Variants in PXDN observed in about 807,000 individuals in gnomAD.
PXDN encodes peroxidasin.
Under a neutral mutation model 140.3 loss-of-function variants are expected in PXDN, and 77 were observed. The ratio of observed to expected loss-of-function variants is 0.55; its 90% CI spans 0.46 to 0.66. The LOEUF is 0.66. Ranked by LOEUF, PXDN falls within the 30% of genes least tolerant of loss-of-function variation. The pLI, the probability that PXDN is intolerant of heterozygous loss-of-function variation, is 0.00. For missense variants in PXDN, 1,838 were observed against 2,039.5 expected (o/e 0.90, Z 1.90); for synonymous variants, 911 against 857.4 (o/e 1.06, Z -1.09).
chr2:1,653,686 T>C lies in PXDN; in HGVS notation c.2046A>G (p.Thr682=). Reference sequence around the variant, plus strand: ...GTACATGCTCCTGAATGAGCTGCAATGTCCGTTCAAAGATTTCTCCCGCCC... The same window carrying C: ...GTACATGCTCCTGAATGAGCTGCAACGTCCGTTCAAAGATTTCTCCCGCCC... ...QARAGEIFER[T]LQLIQEHVQH... is the part of the protein sequence containing the mutation. Residue 682 remains threonine (T), a synonymous_variant, in exon 16 of 23, where the codon ACA becomes ACG. Transcript: ENST00000252804. The C allele has an allele frequency of 2.5e-6, 4 of 1,611,644 alleles. No individual in the cohort carries two copies. Among genetic ancestry groups the C allele is most frequent in the East Asian group, 2.2e-5 (1 of 44,846 alleles).
chr2:1,710,809 C>T (rs111162153), intron 1 of PXDN, among the ~76,000 whole-genome samples: 283 of 67,504 alleles, frequency 4.2e-3, no homozygotes, highest in East Asian at 0.014. Flanking sequence ...CCAGCACCCA[C>T]TCCACCAGCA....
At chr2:1,713,666 G>A (rs549552462) in intron 1 of PXDN, among the ~76,000 whole-genome samples, 10 of 152,302 alleles carry the variant, frequency 6.6e-5, no homozygotes, top group South Asian at 2.1e-4. Context: ...CGGTCCCCCC[G>A]AATGCTCGTG....
chr2:1,664,970 A>G lies in PXDN; in HGVS notation c.1396T>C (p.Trp466Arg). 1 of 1,591,950 alleles carries G rather than the reference A, an allele frequency of 6.3e-7. No homozygotes were observed. The highest frequency in any genetic ancestry group is 1.1e-5 in the South Asian group (1 of 90,056). ...AKGNPPPVIA[W>R]TKGGSQLSVD... Reference sequence around the variant, plus strand: ...GCCTGGGTCTTACCTCCCTTGGTCCAGGCGATGACGGGCGGCGGGTTGCCC... The same window carrying G: ...GCCTGGGTCTTACCTCCCTTGGTCCGGGCGATGACGGGCGGCGGGTTGCCC... The change falls in exon 11 of 23, where the codon TGG (tryptophan) becomes CGG (arginine). Residue 466 changes from tryptophan to arginine, a missense_variant. By Grantham distance (101) the Trp-to-Arg change is moderately radical. Around this residue, in one of 5 missense-constraint regions of PXDN, gnomAD observed 537 missense variants for 583.9 expected, o/e 0.92. Coordinates refer to ENST00000252804, the MANE Select transcript of PXDN (RefSeq NM_012293.3).
Position 1,678,805 on chromosome 2 carries a change from G to A in PXDN, c.730+1388C>T, listed in dbSNP as rs116579753. On this transcript the variant is annotated intron_variant, in intron 7 of 22. Coordinates refer to ENST00000252804, the MANE Select transcript of PXDN (RefSeq NM_012293.3). ...GAGCTGTTGACAGCCAGTGCCCTGC[G>A]GAGCTGAGGGCGGAGTCTGGGTCCG... Among the ~76,000 whole-genome samples, 470 of 152,254 alleles carry A rather than the reference G, an allele frequency of 3.1e-3. 3 individuals are homozygous for A. The highest frequency in any genetic ancestry group is 0.011 in the African/African-American group (452 of 41,546).
intron 22 of PXDN, 94 bp from the exon 23 acceptor site, chr2:1,634,417 C>G: frequency 6.9e-7 from 1 of 1,457,490 alleles, no homozygotes; most frequent in East Asian, 2.5e-5. Context: ...CAGCCACGGC[C>G]ATGAGTCAGG....
intron 1 of PXDN, among the ~76,000 whole-genome samples, chr2:1,693,787 C>G (rs1684234930): frequency 6.6e-6 from 1 of 152,278 alleles, no homozygotes; most frequent in Non-Finnish European, 1.5e-5. Context: ...CCATGAGAGA[C>G]CAGAGAGTAC....
chr2:1,728,313 A>C (rs1283770028), intron 1 of PXDN, among the ~76,000 whole-genome samples: 1 of 152,222 alleles, frequency 6.6e-6, no homozygotes, highest in Non-Finnish European at 1.5e-5. Flanking sequence ...AGGCGGTCAC[A>C]CGGCAAGGGC....
In PXDN at chr2:1,739,238, G is replaced by A. The variant is rs145163956; in HGVS notation, c.200+5018C>T. On this transcript the variant is annotated intron_variant, in intron 1 of 22. Coordinates refer to ENST00000252804, the MANE Select transcript of PXDN (RefSeq NM_012293.3). ...CTGAGTCACGCATTCTCTTTTCACC[G>A]GACTTAGCTCTGTCGGAAGGGAACT... 6.4e-3 allele frequency among the ~76,000 whole-genome samples: 966 copies of A among 152,082 alleles called. 7 individuals are homozygous for A. The highest frequency in any genetic ancestry group is 0.01 in the Non-Finnish European group (684 of 68,002).
chr2:1,680,076 T>A (rs1683852585), intron 7 of PXDN, 117 bp downstream of exon 7: 2 of 1,268,012 alleles, frequency 1.6e-6, no homozygotes, highest in Non-Finnish European at 2.1e-6. Context: ...AAATGGTGTG[T>A]GTGTAAATGT....
At chr2:1,699,944 T>C (rs1684384558) in intron 1 of PXDN, among the ~76,000 whole-genome samples, 1 of 152,236 alleles carries the variant, frequency 6.6e-6, no homozygotes, top group Non-Finnish European at 1.5e-5. Context: ...TGTTTCTAAC[T>C]AATAAGAGCC....
rs372406346 is a variant in PXDN at position 1,654,440 on chromosome 2, C to A, written c.1906G>T (p.Asp636Tyr). ...GTTCGGGTTGAGTTTATAGCTCTGT[C>A]AACAGTCGCAATCGCTTCCACGATG... ...TSIVEAIATV[D>Y]RAINSTRTHL... The change falls in exon 15 of 23, where the codon GAC becomes TAC. Residue 636 changes from aspartate to tyrosine, a missense_variant. By Grantham distance (160) the Asp-to-Tyr change is radical (BLOSUM62 -3). Coordinates refer to ENST00000252804, the MANE Select transcript of PXDN (RefSeq NM_012293.3). 1 of 1,613,722 alleles carries A rather than the reference C, an allele frequency of 6.2e-7. No individual in the cohort carries two copies. The highest frequency in any genetic ancestry group is 8.5e-7 in the Non-Finnish European group (1 of 1,179,774).
intron 17 of PXDN, among the ~76,000 whole-genome samples, chr2:1,646,727 A>G (rs1441737298): frequency 1.3e-5 from 2 of 152,212 alleles, no homozygotes; most frequent in African/African-American, 2.4e-5. Flanking sequence ...TGCAGAGTCC[A>G]TCAAATACAG....
intron 6 of PXDN, 25 bp from the exon 7 acceptor site, chr2:1,680,387 T>C (rs1415344165): frequency 6.2e-7 from 1 of 1,613,324 alleles, no homozygotes; most frequent in South Asian, 1.1e-5. Context: ...ATGCAGCCGG[T>C]GAGACATGGG....
chr2:1,730,571 A>G (rs1403239232), intron 1 of PXDN, among the ~76,000 whole-genome samples: 1 of 152,208 alleles, frequency 6.6e-6, no homozygotes, highest in Non-Finnish European at 1.5e-5. Context: ...GGTATGGCGG[A>G]CGGCCCAGCC....
Position 1,666,211 on chromosome 2 carries a change from C to T in PXDN, c.1291+3G>A. ...GGCTCTGGCACAGAGGATGGATACC[C>T]ACCCTGGACGATGATGAAAGCGGTG... On this transcript the variant is annotated splice_donor_region_variant and intron_variant, in intron 10 of 22. Transcript: ENST00000252804. 6.2e-7 allele frequency: 1 copy of T among 1,613,188 alleles called. No homozygotes were observed. Among genetic ancestry groups the T allele is most frequent in the African/African-American group, 1.3e-5 (1 of 75,048 alleles).
At position 1,675,345 on chromosome 2, in the gene PXDN, T is replaced by C. The variant is rs996434917; in HGVS notation, c.849-1533A>G. On this transcript the variant is annotated intron_variant, in intron 8 of 22. Coordinates refer to ENST00000252804, the MANE Select transcript of PXDN (RefSeq NM_012293.3). ...CCATATTTAGCTGTGAGATTTCAAC[T>C]GCGGGCATCAATTTTTTCGTATATA... Among the ~76,000 whole-genome samples the C allele has an allele frequency of 3.3e-5, 5 of 152,178 alleles. 1 individual carries two copies. Among genetic ancestry groups the C allele is most frequent in the Non-Finnish European group, 7.3e-5 (5 of 68,042 alleles).
intron 21 of PXDN, chr2:1,635,801 C>G (rs1162846048): frequency 2.3e-6 from 1 of 434,514 alleles, no homozygotes; most frequent in African/African-American, 2.0e-5. Flanking sequence ...AAGATTCAAC[C>G]AGATGACGAG....
At chr2:1,705,956 C>T (rs1193573108) in intron 1 of PXDN, among the ~76,000 whole-genome samples, 1 of 151,512 alleles carries the variant, frequency 6.6e-6, no homozygotes, top group African/African-American at 2.4e-5. Context: ...CGGCCTCCCC[C>T]AGGCACTCCA....
chr2:1,739,216 A>G (rs1176029209), intron 1 of PXDN, among the ~76,000 whole-genome samples: 1 of 152,126 alleles, frequency 6.6e-6, no homozygotes. Context: ...TTGTGCACTG[A>G]GTCACGCATT....
Sources: gnomAD v4.1 joint callset for allele counts (sites outside exome capture counted in the v4.1 genomes callset) on GRCh38, gnomAD v4.1.1 for gene constraint, gnomAD v4.1.1 regional missense constraint, MANE v1.5 for transcripts, NCBI Gene and HGNC (gene_info 2026-07-23, HGNC 2026-07-21) for gene names.